UNC79: variants seen among roughly 807,000 people sequenced by gnomAD.
UNC79 encodes protein unc-79 homolog.
UNC79 carries 37 observed loss-of-function variants against 283.1 expected under a neutral mutation model. The observed-to-expected ratio is 0.13, with a 90% CI of 0.10 to 0.17. The LOEUF (loss-of-function observed/expected upper bound fraction) is 0.17. UNC79 is among the 10% of genes least tolerant of loss of function. UNC79 has a pLI of 1.00. For synonymous variants in UNC79, 1,107 were observed against 1,200.2 expected (o/e 0.92, Z 1.61); for missense variants, 2,272 against 3,211.1 (o/e 0.71, Z 7.07).
chr14:93,658,889 T>A (rs2071241817), intron 38 of UNC79, among the ~76,000 whole-genome samples: 1 of 152,090 alleles, frequency 6.6e-6, no homozygotes, highest in Admixed American at 6.5e-5. Flanking sequence ...CATCCACCCA[T>A]CCATCCACCA....
intron 14 of UNC79, among the ~76,000 whole-genome samples, chr14:93,550,037 A>G (rs2061791663): frequency 6.6e-6 from 1 of 152,254 alleles, no homozygotes; most frequent in African/African-American, 2.4e-5. Context: ...GGAAATGGCC[A>G]TTCAGCAAAC....
intron 1 of UNC79, among the ~76,000 whole-genome samples, chr14:93,356,184 C>A (rs191828524): frequency 6.6e-6 from 1 of 152,098 alleles, no homozygotes; most frequent in Non-Finnish European, 1.5e-5. Flanking sequence ...CCTGCCACCA[C>A]GCCTGGCTAA....
chr14:93,466,001 T>C (rs972441210), intron 1 of UNC79, among the ~76,000 whole-genome samples: 4 of 152,200 alleles, frequency 2.6e-5, no homozygotes, highest in African/African-American at 9.6e-5. Context: ...TCAAAAACAC[T>C]GAGAAGGAAA....
rs560994200 is a variant in UNC79 at position 93,622,905 on chromosome 14, G to A, written c.5608+64G>A. On this transcript the variant is annotated intron_variant, in intron 30 of 48. Transcript: ENST00000555664. ...AAGTTTGTGCATCTTGTTTGATAGG[G>A]TACCGGCACTGAATATGCATCAGAC... 10 of 1,556,202 alleles carry A rather than the reference G, an allele frequency of 6.4e-6. No homozygotes were observed. In the East Asian group the frequency reaches 2.2e-4, roughly 35 times the overall value.
chr14:93,403,872 C>CT (rs35901461), intron 1 of UNC79, among the ~76,000 whole-genome samples: 4,567 of 137,686 alleles, frequency 0.033, 147 homozygotes, highest in African/African-American at 0.084. Flanking sequence ...GAGCTAGACT[C>CT]TTTTTTTTTT....
chr14:93,564,226 A>C (rs901164515), intron 14 of UNC79, among the ~76,000 whole-genome samples: 6 of 152,170 alleles, frequency 3.9e-5, no homozygotes, highest in African/African-American at 1.4e-4. Flanking sequence ...AGGAGTGGGG[A>C]AAGGATTTAG....
chr14:93,385,479 A>C (rs1183078593), intron 1 of UNC79, among the ~76,000 whole-genome samples: 1 of 152,090 alleles, frequency 6.6e-6, no homozygotes, highest in Non-Finnish European at 1.5e-5. Context: ...CACTATTGAC[A>C]TATAAAAATG....
chr14:93,629,931 C>T (rs932114584), intron 30 of UNC79, among the ~76,000 whole-genome samples: 1 of 152,068 alleles, frequency 6.6e-6, no homozygotes, highest in African/African-American at 2.4e-5. Flanking sequence ...AAGATGGCAA[C>T]AAGGTTTGGA....
intron 1 of UNC79, among the ~76,000 whole-genome samples, chr14:93,409,370 A>T (rs183317740): frequency 1.6e-4 from 25 of 152,344 alleles, no homozygotes; most frequent in African/African-American, 6.0e-4. Context: ...CAAGACTCTT[A>T]TGAAGAAAAC....
intron 1 of UNC79, among the ~76,000 whole-genome samples, chr14:93,365,070 A>C (rs1245735438): frequency 6.6e-6 from 1 of 150,616 alleles, no homozygotes; most frequent in Non-Finnish European, 1.5e-5. Flanking sequence ...CTATCTCTAC[A>C]AAAAAAAACC....
chr14:93,448,596 A>T (rs547905824), intron 1 of UNC79, among the ~76,000 whole-genome samples: 1 of 152,320 alleles, frequency 6.6e-6, no homozygotes, highest in East Asian at 1.9e-4. Flanking sequence ...TATCCTGGAT[A>T]TAATGAATGT....
At chr14:93,675,492 C>T (rs1566906133) in intron 41 of UNC79, among the ~76,000 whole-genome samples, 1 of 152,096 alleles carries the variant, frequency 6.6e-6, no homozygotes, top group African/African-American at 2.4e-5. Flanking sequence ...GCAACGGGTA[C>T]AGTAGTAGAG....
At chr14:93,671,473 T>C (rs1471302024) in intron 40 of UNC79, among the ~76,000 whole-genome samples, 2 of 151,574 alleles carry the variant, frequency 1.3e-5, no homozygotes, top group African/African-American at 4.9e-5. Context: ...AACTCAACAG[T>C]AAAAAAACAA....
chr14:93,580,215 A>G (rs775286858), exon 19 of UNC79: 5 of 1,613,998 alleles, frequency 3.1e-6, no homozygotes, highest in Admixed American at 1.7e-5. Context: ...CATTATTTCT[A>G]TTATAAACAA....
intron 14 of UNC79, among the ~76,000 whole-genome samples, chr14:93,567,944 G>GAGGGAGCTTCCAGATCACAGGT (rs2062992571): frequency 6.6e-6 from 1 of 152,216 alleles, no homozygotes; most frequent in Admixed American, 6.5e-5. Context: ...TCGAAACAGG[G>GAGGGAGCTTCCAGATCACAGGT]AGGGAGCTTC....
intron 1 of UNC79, among the ~76,000 whole-genome samples, chr14:93,337,373 G>A (rs567039334): frequency 1.3e-5 from 2 of 152,214 alleles, no homozygotes; most frequent in South Asian, 2.1e-4. Flanking sequence ...CATGGGACAA[G>A]AACTCGGGAA....
rs547420832 is a variant in UNC79, at chr14:93,468,280, A to G, written c.143+489A>G. Among the ~76,000 whole-genome samples the G allele has an allele frequency of 3.3e-5, 5 of 152,270 alleles. No homozygotes were observed. The South Asian group carries it at 8.3e-4, about 25-fold the overall frequency. On this transcript the variant is annotated intron_variant, in intron 2 of 48. Coordinates refer to ENST00000555664, the Ensembl canonical transcript of UNC79. ...TGCTTTGCCTTGATAATGAAATTCTATGAAGGACAAGGAAAAAAAATAGGG... is the reference window on the plus strand; with the variant it reads ...TGCTTTGCCTTGATAATGAAATTCTGTGAAGGACAAGGAAAAAAAATAGGG...
chr14:93,577,943 G>A (rs756878081), exon 18 of UNC79: 27 of 1,614,060 alleles, frequency 1.7e-5, no homozygotes, highest in Middle Eastern at 1.6e-4. Context: ...TGCGTAGTCC[G>A]TTTCGTAGCC....
At chr14:93,537,086 TA>T (rs1312820351) in intron 11 of UNC79, among the ~76,000 whole-genome samples, 1 of 152,198 alleles carries the variant, frequency 6.6e-6, no homozygotes, top group African/African-American at 2.4e-5. Context: ...CATAAAGCCT[TA>T]GAGTCTAACG....
Sources: allele counts gnomAD v4.1 joint callset (sites outside exome capture counted in the v4.1 genomes callset), GRCh38; gene constraint gnomAD v4.1.1; transcripts MANE v1.5; gene names NCBI Gene and HGNC (gene_info 2026-07-23, HGNC 2026-07-21).